Variants in LINGO2 observed in about 807,000 individuals in gnomAD.
LINGO2 encodes leucine rich repeat and Ig domain containing 2.
In LINGO2, 14 loss-of-function variants were observed where a neutral mutation model predicts 30.6. That is an observed-to-expected ratio of 0.46 (90% confidence interval 0.30 to 0.72). The LOEUF is 0.72. Ranked by LOEUF, LINGO2 falls within the 30% of genes least tolerant of loss-of-function variation. The pLI, the probability that LINGO2 is intolerant of heterozygous loss-of-function variation, is 0.07. For synonymous variants in LINGO2, 317 were observed against 288.5 expected, an observed-to-expected ratio of 1.10 and a Z score of -1.00; for missense variants, 729 against 751.7, an observed-to-expected ratio of 0.97 and a Z score of 0.35.
At chr9:28,385,811 TG>T (rs1324230163) in intron 2 of LINGO2, among the ~76,000 whole-genome samples, 1 of 152,022 alleles carries the variant, frequency 6.6e-6, no homozygotes, top group Non-Finnish European at 1.5e-5. Context: ...CAAAAGAAAA[TG>T]GACCCAGAGA....
the LINGO2 span, among the ~76,000 whole-genome samples, chr9:28,943,520 T>G: frequency 6.6e-6 from 1 of 152,192 alleles, no homozygotes; most frequent in Non-Finnish European, 1.5e-5. Flanking sequence ...ACTTATTGTT[T>G]TATTTGCATA....
intron 1 of LINGO2, among the ~76,000 whole-genome samples, chr9:28,535,230 A>G (rs964974979): frequency 8.5e-5 from 13 of 152,202 alleles, no homozygotes; most frequent in Non-Finnish European, 1.5e-5. Context: ...GTCACATTGA[A>G]AAGTGTGCCT....
At chr9:28,217,697 A>T (rs1490325608) in intron 4 of LINGO2, among the ~76,000 whole-genome samples, 2 of 151,974 alleles carry the variant, frequency 1.3e-5, no homozygotes, top group African/African-American at 2.4e-5. Flanking sequence ...GACTCCCATA[A>T]AAGATATTTG....
the LINGO2 span, among the ~76,000 whole-genome samples, chr9:28,794,032 G>A: frequency 6.6e-6 from 1 of 152,144 alleles, no homozygotes; most frequent in Non-Finnish European, 1.5e-5. Context: ...ATGACTGAGG[G>A]CGGTGGCTCA....
chr9:28,294,272 T>C (rs962220084), intron 4 of LINGO2, among the ~76,000 whole-genome samples: 2 of 152,158 alleles, frequency 1.3e-5, no homozygotes, highest in East Asian at 1.9e-4. Context: ...TCAGAAAGTA[T>C]GAAAGCTATA....
At chr9:28,984,628 T>C in the LINGO2 span, among the ~76,000 whole-genome samples, 1 of 151,962 alleles carries the variant, frequency 6.6e-6, no homozygotes, top group Non-Finnish European at 1.5e-5. Flanking sequence ...ATCATTAAAA[T>C]AGAAAAGATC....
At chr9:28,215,137 A>T (rs940210666) in intron 4 of LINGO2, among the ~76,000 whole-genome samples, 2 of 151,752 alleles carry the variant, frequency 1.3e-5, no homozygotes, top group African/African-American at 2.4e-5. Context: ...CAGGGCCAGG[A>T]CGCTACCTGA....
At chr9:29,139,726 A>T in the LINGO2 span, among the ~76,000 whole-genome samples, 1 of 152,164 alleles carries the variant, frequency 6.6e-6, no homozygotes, top group Admixed American at 6.6e-5. Context: ...TTCACATCAC[A>T]GTACTATTGG....
At chr9:28,412,736 T>G (rs190261641) in intron 2 of LINGO2, among the ~76,000 whole-genome samples, 9 of 152,246 alleles carry the variant, frequency 5.9e-5, no homozygotes, top group Admixed American at 5.9e-4. Flanking sequence ...AAAATATGCA[T>G]TTAAAATTTA....
the LINGO2 span, among the ~76,000 whole-genome samples, chr9:29,043,055 A>T: frequency 6.6e-6 from 1 of 151,900 alleles, no homozygotes; most frequent in Non-Finnish European, 1.5e-5. Flanking sequence ...TTAGAGCACT[A>T]TGTAAATCTA....
At chr9:28,370,827 A>T (rs1820866637) in intron 3 of LINGO2, among the ~76,000 whole-genome samples, 1 of 152,162 alleles carries the variant, frequency 6.6e-6, no homozygotes, top group African/African-American at 2.4e-5. Context: ...TCTGATTTAG[A>T]ACAGTTTACG....
the LINGO2 span, among the ~76,000 whole-genome samples, chr9:29,064,091 A>T: frequency 3.3e-5 from 5 of 152,136 alleles, no homozygotes; most frequent in Admixed American, 1.3e-4. Flanking sequence ...TTTTTGCTAC[A>T]TAATGGTTAA....
At chr9:28,629,951 T>C (rs1335203763) in intron 1 of LINGO2, among the ~76,000 whole-genome samples, 2 of 143,090 alleles carry the variant, frequency 1.4e-5, no homozygotes, top group East Asian at 2.1e-4. Context: ...GTCCCCAGAG[T>C]GTGATATTCC....
intron 4 of LINGO2, chr9:28,149,243 A>G (rs1308484319): frequency 2.5e-6 from 2 of 804,428 alleles, no homozygotes; most frequent in South Asian, 3.4e-5. Context: ...GTAATCAAGC[A>G]CTTTGGGAGG....
intron 4 of LINGO2, among the ~76,000 whole-genome samples, chr9:28,072,799 A>G (rs1167578529): frequency 6.6e-6 from 1 of 152,036 alleles, no homozygotes; most frequent in Non-Finnish European, 1.5e-5. Flanking sequence ...GTTTTTCAAT[A>G]TATCTGGGGC....
intron 4 of LINGO2, among the ~76,000 whole-genome samples, chr9:28,056,097 G>C (rs113711658): frequency 6.6e-6 from 1 of 152,180 alleles, no homozygotes; most frequent in Non-Finnish European, 1.5e-5. Context: ...CTTTCAGTGA[G>C]CAAAGGCAAC....
the LINGO2 span, among the ~76,000 whole-genome samples, chr9:29,047,051 A>AGAAAAAAAAAAAAAAAC: frequency 4.7e-5 from 5 of 106,908 alleles, no homozygotes. Context: ...AAAAAAAAAA[A>AGAAAAAAAAAAAAAAAC]CCAAAAACAA....
chr9:29,151,113 T>C, the LINGO2 span, among the ~76,000 whole-genome samples: 1 of 151,904 alleles, frequency 6.6e-6, no homozygotes, highest in African/African-American at 2.4e-5. Flanking sequence ...ATTTACAGCA[T>C]TGTTATGAAA....
chr9:28,914,555 T>A, the LINGO2 span, among the ~76,000 whole-genome samples: 1 of 152,160 alleles, frequency 6.6e-6, no homozygotes, highest in African/African-American at 2.4e-5. Flanking sequence ...AACAATTAAT[T>A]GGGTTTGAAC....
Sources: gnomAD v4.1 joint callset for allele counts (sites outside exome capture counted in the v4.1 genomes callset) on GRCh38, gnomAD v4.1.1 for gene constraint, MANE v1.5 for transcripts, NCBI Gene and HGNC (gene_info 2026-07-23, HGNC 2026-07-21) for gene names.